The following C8orf34 variants were observed in gnomAD, a reference collection of about 807,000 sequenced individuals.
The protein encoded by C8orf34 is chromosome 8 open reading frame 34.
In C8orf34, 65 loss-of-function variants were observed where a neutral mutation model predicts 68.3. The observed-to-expected ratio is 0.95, with a 90% CI of 0.78 to 1.17. The LOEUF is 1.17. Among genes scored for constraint, C8orf34 ranks in the 50% most tolerant of loss-of-function variants. C8orf34 has a pLI of 0.00. For missense variants in C8orf34, 664 were observed against 655.4 expected (o/e 1.01, Z -0.14); for synonymous variants, 244 against 241.2 (o/e 1.01, Z -0.11).
At chr8:68,595,139 T>TAAA (rs1223422860) in intron 7 of C8orf34, among the ~76,000 whole-genome samples, 46 of 114,022 alleles carry the variant, frequency 4.0e-4, no homozygotes, top group Non-Finnish European at 7.5e-4. Context: ...AAAAAAAAAT[T>TAAA]TTTTTTTTTA....
intron 7 of C8orf34, among the ~76,000 whole-genome samples, chr8:68,615,061 G>A (rs1818158683): frequency 6.7e-6 from 1 of 148,720 alleles, no homozygotes; most frequent in South Asian, 2.1e-4. Flanking sequence ...ATTGTGAATG[G>A]GAGTTCACTC....
At chr8:68,550,784 C>T (rs1816039288) in intron 7 of C8orf34, among the ~76,000 whole-genome samples, 2 of 148,928 alleles carry the variant, frequency 1.3e-5, no homozygotes, top group South Asian at 2.1e-4. Flanking sequence ...TTTTTTTTTT[C>T]CCCCTCAGTG....
At chr8:68,380,632 G>C (rs1158079354) in intron 1 of C8orf34, among the ~76,000 whole-genome samples, 1 of 152,148 alleles carries the variant, frequency 6.6e-6, no homozygotes, top group Admixed American at 6.6e-5. Context: ...TTTATTGAAT[G>C]CATCAATATT....
intron 12 of C8orf34, among the ~76,000 whole-genome samples, chr8:68,807,371 A>G (rs766597877): frequency 4.6e-5 from 7 of 152,196 alleles, no homozygotes; most frequent in African/African-American, 7.2e-5. Context: ...ATTTTCATCC[A>G]TTTAACTCTG....
In C8orf34 at chr8:68,530,704, C is replaced by T. The variant is rs965464323; in HGVS notation, c.939-2279C>T. On this transcript the variant is annotated intron_variant, in intron 6 of 13. Coordinates refer to ENST00000518698, the MANE Select transcript of C8orf34 (RefSeq NM_052958.4). ...AGTGAATATTTATGTTTTATTTCCA[C>T]TATTAAAGAGTAAACATGATTTTCT... is the stretch of plus-strand genomic sequence containing the variant. 1.7e-5 allele frequency: 13 copies of T among 780,478 alleles called. No individual in the cohort carries two copies. The African/African-American group carries it at 2.0e-4, about 12-fold the overall frequency. 48.3% of individuals were successfully genotyped at this position (780,478 alleles called of 1,614,324 possible).
rs1486231747 is a variant in C8orf34, at chr8:68,599,227, TAA to T, written c.1106-41147_1106-41146del. On this transcript the variant is annotated intron_variant, in intron 7 of 13. Coordinates refer to ENST00000518698, the MANE Select transcript of C8orf34 (RefSeq NM_052958.4). ...CTAAATATACGTTTCTGAGAGATAT[TAA>T]AGAGGACTTAAATAATATATATCAT... is the stretch of plus-strand genomic sequence containing the variant. Among the ~76,000 whole-genome samples the T allele has an allele frequency of 2.6e-5, 4 of 152,066 alleles. No individual in the cohort carries two copies. The East Asian group carries it at 5.8e-4, about 22-fold the overall frequency.
chr8:68,685,098 A>G (rs1820474913), intron 8 of C8orf34, among the ~76,000 whole-genome samples: 2 of 152,074 alleles, frequency 1.3e-5, no homozygotes, highest in African/African-American at 2.4e-5. Context: ...ACTCTTTCAT[A>G]CTAAGGTATG....
At chr8:68,604,923 CACTG>C (rs1817810619) in intron 7 of C8orf34, among the ~76,000 whole-genome samples, 1 of 152,174 alleles carries the variant, frequency 6.6e-6, no homozygotes, top group South Asian at 2.1e-4. Context: ...AGACAAGAGG[CACTG>C]ACTGGGTAAA....
In C8orf34 at chr8:68,726,765, C is replaced by T. The variant is rs996593089; in HGVS notation, c.1404+5328C>T. ...AAAATGAAGAAGCAAAAGCGGAAAC[C>T]CCTGATAAACCCATCAGATCTCATG... On this transcript the variant is annotated intron_variant, in intron 10 of 13. Coordinates refer to ENST00000518698, the MANE Select transcript of C8orf34 (RefSeq NM_052958.4). 7.9e-5 allele frequency among the ~76,000 whole-genome samples: 12 copies of T among 152,084 alleles called. No individual in the cohort carries two copies. In the South Asian group the frequency reaches 2.3e-3, roughly 29 times the overall value.
chr8:68,574,789 G>A (rs1026456855), intron 7 of C8orf34, among the ~76,000 whole-genome samples: 2 of 151,886 alleles, frequency 1.3e-5, no homozygotes, highest in Non-Finnish European at 2.9e-5. Flanking sequence ...AAATCTAATA[G>A]CAGTGTAGTT....
At chr8:68,618,983 C>T (rs769177979) in intron 7 of C8orf34, among the ~76,000 whole-genome samples, 1 of 151,948 alleles carries the variant, frequency 6.6e-6, no homozygotes, top group Admixed American at 6.6e-5. Flanking sequence ...TTACTGAGAG[C>T]TAGGGGGATG....
intron 1 of C8orf34, among the ~76,000 whole-genome samples, chr8:68,416,886 A>G (rs1210963851): frequency 6.6e-6 from 1 of 152,128 alleles, no homozygotes; most frequent in Non-Finnish European, 1.5e-5. Flanking sequence ...ATTCACATAA[A>G]CTTCTAAAAC....
Position 68,446,391 on chromosome 8 carries a change from A to G in C8orf34, c.538A>G (p.Lys180Glu). The change falls in exon 3 of 14, where the codon AAG (lysine) becomes GAG (glutamate). Residue 180 changes from lysine to glutamate, a missense_variant. Physicochemically the swap from Lys to Glu is moderately conservative, Grantham distance 56 (BLOSUM62 1). Coordinates refer to ENST00000518698, the MANE Select transcript of C8orf34 (RefSeq NM_052958.4). Reference protein sequence around the residue: ...YDKPWQLNAKKPKKSKSDLAV... With the variant: ...YDKPWQLNAKEPKKSKSDLAV... ...TAAACCTTGGCAATTAAATGCAAAG[A>G]AGCCTAAAAAATCAAAAAGTGACCT... 6.2e-7 allele frequency: 1 copy of G among 1,612,898 alleles called. No individual in the cohort carries two copies. The highest frequency in any genetic ancestry group is 2.2e-5 in the East Asian group (1 of 44,770).
chr8:68,615,640 C>A (rs543129071), intron 7 of C8orf34, among the ~76,000 whole-genome samples: 3 of 152,112 alleles, frequency 2.0e-5, no homozygotes, highest in Admixed American at 6.5e-5. Context: ...GGGATGAAGC[C>A]CACTTGATCA....
At chr8:68,685,490 C>T (rs2130890010) in intron 8 of C8orf34, among the ~76,000 whole-genome samples, 1 of 152,134 alleles carries the variant, frequency 6.6e-6, no homozygotes, top group East Asian at 1.9e-4. Context: ...TTGATCAACC[C>T]AACGTCCTTA....
chr8:68,593,548 A>T (rs1817458083), intron 7 of C8orf34, among the ~76,000 whole-genome samples: 1 of 151,652 alleles, frequency 6.6e-6, no homozygotes, highest in Admixed American at 6.6e-5. Flanking sequence ...TCTAGCAAAA[A>T]TTTTTTCTAC....
intron 7 of C8orf34, among the ~76,000 whole-genome samples, chr8:68,638,963 T>C (rs1818924839): frequency 6.6e-6 from 1 of 152,134 alleles, no homozygotes; most frequent in Admixed American, 6.6e-5. Context: ...GGTTCACTTC[T>C]TCTGGTAGGG....
chr8:68,456,163 G>A (rs147311306), intron 3 of C8orf34, among the ~76,000 whole-genome samples: 11 of 151,798 alleles, frequency 7.2e-5, no homozygotes, highest in African/African-American at 2.7e-4. Flanking sequence ...GGCTGAGGCA[G>A]GAGAATCACT....
At chr8:68,579,728 C>T (rs1291792192) in intron 7 of C8orf34, among the ~76,000 whole-genome samples, 2 of 152,158 alleles carry the variant, frequency 1.3e-5, no homozygotes, top group Non-Finnish European at 2.9e-5. Flanking sequence ...GCTGCAAGTG[C>T]CTTCTAAGGG....
Sources: allele counts gnomAD v4.1 joint callset (sites outside exome capture counted in the v4.1 genomes callset), GRCh38; gene constraint gnomAD v4.1.1; transcripts MANE v1.5; gene names NCBI Gene and HGNC (gene_info 2026-07-23, HGNC 2026-07-21).